The following GLIS3 variants were observed in gnomAD, a reference collection of about 807,000 sequenced individuals.
The protein encoded by GLIS3 is zinc finger protein GLIS3.
GLIS3 carries 53 observed loss-of-function variants against 78.6 expected under a neutral mutation model. The observed-to-expected ratio is 0.67, with a 90% CI of 0.54 to 0.85. The LOEUF (loss-of-function observed/expected upper bound fraction) is 0.85. GLIS3 is among the 40% of genes least tolerant of loss of function. The pLI is 0.00. For missense variants in GLIS3, 1,703 were observed against 1,231.1 expected (o/e 1.38, Z -5.74); for synonymous variants, 684 against 509.9 (o/e 1.34, Z -4.60).
At chr9:4,263,072 G>C (rs1825673146) in intron 2 of GLIS3, among the ~76,000 whole-genome samples, 1 of 152,068 alleles carries the variant, frequency 6.6e-6, no homozygotes, top group Non-Finnish European at 1.5e-5. Context: ...ATCCTTTCTG[G>C]TTTACATTTC....
chr9:4,391,190 C>A, the GLIS3 span, among the ~76,000 whole-genome samples: 2 of 152,144 alleles, frequency 1.3e-5, no homozygotes, highest in East Asian at 3.9e-4. Context: ...TTCCTCTGAT[C>A]CCCCTTTCAT....
intron 4 of GLIS3, among the ~76,000 whole-genome samples, chr9:3,987,016 A>G (rs1167625797): frequency 6.6e-6 from 1 of 152,262 alleles, no homozygotes; most frequent in African/African-American, 2.4e-5. Context: ...TAGATCTTGA[A>G]ATGATCTGAA....
intron 2 of GLIS3, among the ~76,000 whole-genome samples, chr9:4,234,299 A>C (rs1447539731): frequency 6.6e-6 from 1 of 152,226 alleles, no homozygotes; most frequent in Admixed American, 6.5e-5. Context: ...AGTTAAAGTG[A>C]GATATGTGCG....
chr9:4,117,259 G>A (rs760297066), intron 4 of GLIS3, among the ~76,000 whole-genome samples: 1 of 152,216 alleles, frequency 6.6e-6, no homozygotes, highest in African/African-American at 2.4e-5. Flanking sequence ...GGTACAGAGC[G>A]CAGGCATGTG....
chr9:4,241,531 A>C (rs1451969513), intron 2 of GLIS3, among the ~76,000 whole-genome samples: 1 of 152,102 alleles, frequency 6.6e-6, no homozygotes, highest in Non-Finnish European at 1.5e-5. Flanking sequence ...CTACCCCAAA[A>C]CTATAAAGAT....
chr9:4,473,176 A>G, the GLIS3 span, among the ~76,000 whole-genome samples: 1 of 152,180 alleles, frequency 6.6e-6, no homozygotes, highest in South Asian at 2.1e-4. Flanking sequence ...CATCAATGAT[A>G]GACTGAATAA....
At chr9:3,839,236 A>C (rs999669623) in intron 9 of GLIS3, among the ~76,000 whole-genome samples, 78 of 152,320 alleles carry the variant, frequency 5.1e-4, no homozygotes, top group Admixed American at 2.4e-3. Context: ...ATGTCAATAA[A>C]AGTGCAAAAT....
chr9:4,019,938 T>G (rs951377135), intron 4 of GLIS3, among the ~76,000 whole-genome samples: 1 of 152,212 alleles, frequency 6.6e-6, no homozygotes, highest in South Asian at 2.1e-4. Context: ...AAATTTTTTT[T>G]GTAGAGACGG....
At chr9:4,355,189 T>C in the GLIS3 span, among the ~76,000 whole-genome samples, 2 of 151,204 alleles carry the variant, frequency 1.3e-5, no homozygotes, top group Middle Eastern at 3.5e-3. Context: ...GTCAAAGTAG[T>C]AGAGTTGGAA....
At chr9:3,951,706 G>A (rs1816690363) in intron 4 of GLIS3, among the ~76,000 whole-genome samples, 1 of 152,108 alleles carries the variant, frequency 6.6e-6, no homozygotes, top group African/African-American at 2.4e-5. Flanking sequence ...CTTCTTTTTA[G>A]AATGCAGAAG....
chr9:4,063,205 G>A (rs999686002), intron 4 of GLIS3, among the ~76,000 whole-genome samples: 6 of 152,094 alleles, frequency 3.9e-5, no homozygotes, highest in Non-Finnish European at 7.4e-5. Context: ...TATGAGATGT[G>A]TCCTTTCTTA....
At chr9:4,488,526 T>C in the GLIS3 span, among the ~76,000 whole-genome samples, 2 of 150,546 alleles carry the variant, frequency 1.3e-5, no homozygotes, top group Non-Finnish European at 3.0e-5. Context: ...CTCTCTCTCT[T>C]TTTTTTTTAT....
chr9:3,996,405 T>C (rs756450764), intron 4 of GLIS3, among the ~76,000 whole-genome samples: 1 of 152,158 alleles, frequency 6.6e-6, no homozygotes, highest in Non-Finnish European at 1.5e-5. Context: ...AATAGATAGA[T>C]AGATTCTGGA....
At chr9:4,309,507 T>A (rs1817308300) in intron 3 of GLIS3, among the ~76,000 whole-genome samples, 1 of 151,968 alleles carries the variant, frequency 6.6e-6, no homozygotes, top group Admixed American at 6.6e-5. Context: ...TTACAGAAGG[T>A]CATAAAATAG....
intron 2 of GLIS3, among the ~76,000 whole-genome samples, chr9:4,337,624 G>C (rs562255063): frequency 6.6e-6 from 1 of 152,124 alleles, no homozygotes; most frequent in African/African-American, 2.4e-5. Context: ...AGTTGGACAA[G>C]GGCCTCAAGC....
At chr9:4,195,657 C>G (rs1470370925) in intron 2 of GLIS3, among the ~76,000 whole-genome samples, 1 of 152,270 alleles carries the variant, frequency 6.6e-6, no homozygotes, top group African/African-American at 2.4e-5. Flanking sequence ...CATCGACCGC[C>G]CAAGGGCTAT....
intron 4 of GLIS3, among the ~76,000 whole-genome samples, chr9:3,957,087 G>A (rs183131996): frequency 3.3e-5 from 5 of 152,264 alleles, no homozygotes; most frequent in Admixed American, 6.5e-5. Flanking sequence ...ACAGTGCAGC[G>A]GAATGGGAAG....
chr9:4,092,186 C>G (rs971193634), intron 4 of GLIS3, among the ~76,000 whole-genome samples: 2 of 142,726 alleles, frequency 1.4e-5, no homozygotes, highest in East Asian at 4.1e-4. Context: ...GAGTCTCGCT[C>G]TGTTGCTCAG....
chr9:3,889,827 C>T (rs1588158199), intron 7 of GLIS3, among the ~76,000 whole-genome samples: 1 of 152,200 alleles, frequency 6.6e-6, no homozygotes, highest in African/African-American at 2.4e-5. Flanking sequence ...CCTTAGTTCT[C>T]AGGCCATGCA....
Sources: gnomAD v4.1 joint callset for allele counts (sites outside exome capture counted in the v4.1 genomes callset) on GRCh38, gnomAD v4.1.1 for gene constraint, MANE v1.5 for transcripts, NCBI Gene and HGNC (gene_info 2026-07-23, HGNC 2026-07-21) for gene names.